Variants in KSR2 observed in about 807,000 individuals in gnomAD.
The protein encoded by KSR2 is kinase suppressor of ras 2.
In KSR2, 25 loss-of-function variants were observed where a neutral mutation model predicts 107.8. That is an observed-to-expected ratio of 0.23 (90% CI 0.17 to 0.32). The LOEUF (loss-of-function observed/expected upper bound fraction) is 0.32. Among genes scored for constraint, KSR2 ranks in the 10% least tolerant of loss-of-function variants. The probability of loss-of-function intolerance (pLI) is 1.00; values close to 1 mark genes in which losing one functional copy is unlikely to be tolerated. For synonymous variants in KSR2, 480 were observed against 507.0 expected, an observed-to-expected ratio of 0.95 and a Z score of 0.71; for missense variants, 887 against 1,268.9, an observed-to-expected ratio of 0.70 and a Z score of 4.57.
intron 1 of KSR2, among the ~76,000 whole-genome samples, chr12:117,910,762 A>C (rs1462162219): frequency 6.6e-6 from 1 of 152,136 alleles, no homozygotes; most frequent in East Asian, 1.9e-4. Context: ...CTTTGTTTGA[A>C]TGTCAGTTTA....
At chr12:117,935,624 A>G (rs1895814511) in intron 1 of KSR2, among the ~76,000 whole-genome samples, 2 of 152,106 alleles carry the variant, frequency 1.3e-5, no homozygotes, top group African/African-American at 4.8e-5. Context: ...AGCCGGTCGT[A>G]GTAGTGGGCG....
At chr12:117,819,924 C>T (rs1891504706) in intron 3 of KSR2, among the ~76,000 whole-genome samples, 1 of 152,004 alleles carries the variant, frequency 6.6e-6, no homozygotes, top group Admixed American at 6.6e-5. Flanking sequence ...GTTAAAAATG[C>T]ATAGGAAAAA....
chr12:117,653,309 T>G (rs1396187164), intron 5 of KSR2, among the ~76,000 whole-genome samples: 1 of 152,280 alleles, frequency 6.6e-6, no homozygotes, highest in African/African-American at 2.4e-5. Flanking sequence ...AGCCATTGAC[T>G]TGGCAAATAC....
intron 4 of KSR2, among the ~76,000 whole-genome samples, chr12:117,708,115 G>T (rs1436667325): frequency 6.6e-6 from 1 of 152,186 alleles, no homozygotes; most frequent in Admixed American, 6.5e-5. Context: ...TTAACATAGT[G>T]ACAAATCATT....
At chr12:117,892,258 C>A (rs1372633629) in intron 1 of KSR2, among the ~76,000 whole-genome samples, 1 of 152,078 alleles carries the variant, frequency 6.6e-6, no homozygotes, top group South Asian at 2.1e-4. Context: ...GAGCTGAGAT[C>A]GCGCCACTGC....
At chr12:117,524,758 A>C in intron 14 of KSR2, 94 bp downstream of exon 14, 1 of 1,424,180 alleles carries the variant, frequency 7.0e-7, no homozygotes, top group Non-Finnish European at 9.5e-7. Context: ...ATGGTCTATT[A>C]ACCAGAGTGG....
chr12:117,774,815 T>A (rs1031916578), intron 3 of KSR2, among the ~76,000 whole-genome samples: 2 of 152,046 alleles, frequency 1.3e-5, no homozygotes, highest in African/African-American at 4.8e-5. Flanking sequence ...TCGCAATCCT[T>A]CCCAATTCCC....
rs202237561 is a variant in KSR2 at position 117,547,219 on chromosome 12, C to A, written c.1519-7332G>T. On this transcript the variant is annotated intron_variant, in intron 9 of 19. Coordinates refer to ENST00000339824, the MANE Select transcript of KSR2 (RefSeq NM_173598.6). ...TGGGTAGAAATTTAAGTTCTCCATTCAGCTTCTGTTAGTCCCTGAAGAGGG... is the reference window on the plus strand; with the variant it reads ...TGGGTAGAAATTTAAGTTCTCCATTAAGCTTCTGTTAGTCCCTGAAGAGGG... 3.9e-5 allele frequency among the ~76,000 whole-genome samples: 6 copies of A among 152,286 alleles called. No homozygotes were observed. In the East Asian group the frequency reaches 1.2e-3, roughly 29 times the overall value.
intron 1 of KSR2, among the ~76,000 whole-genome samples, chr12:117,916,877 G>C (rs1053559897): frequency 3.3e-5 from 5 of 152,220 alleles, no homozygotes; most frequent in Admixed American, 3.3e-4. Context: ...TTGCAAAATA[G>C]ATCGTATTTA....
chr12:117,631,710 C>T (rs1882815631), intron 5 of KSR2, among the ~76,000 whole-genome samples: 1 of 152,154 alleles, frequency 6.6e-6, no homozygotes, highest in Admixed American at 6.5e-5. Context: ...TTGTCATGTA[C>T]TGATCAATAG....
chr12:117,882,855 A>G (rs566038737), intron 1 of KSR2, among the ~76,000 whole-genome samples: 150 of 151,694 alleles, frequency 9.9e-4, no homozygotes, highest in African/African-American at 3.5e-3. Context: ...CCATCCAACA[A>G]TCCATCCATC....
At chr12:117,782,216 C>A (rs1889911877) in intron 3 of KSR2, among the ~76,000 whole-genome samples, 1 of 152,110 alleles carries the variant, frequency 6.6e-6, no homozygotes, top group South Asian at 2.1e-4. Flanking sequence ...TCTAGAGTAA[C>A]TCCTCTCATA....
intron 4 of KSR2, among the ~76,000 whole-genome samples, chr12:117,685,889 A>AT (rs1456996980): frequency 6.7e-6 from 1 of 149,908 alleles, no homozygotes; most frequent in African/African-American, 2.5e-5. Flanking sequence ...TTTAATGCTG[A>AT]TTCCCCCCCT....
chr12:117,881,004 T>TATC (rs1894010185), intron 1 of KSR2, among the ~76,000 whole-genome samples: 1 of 151,744 alleles, frequency 6.6e-6, no homozygotes. Flanking sequence ...AGTCTCACTC[T>TATC]ATCACCCAGG....
rs962762319 is a variant in KSR2, at chr12:117,466,999, G to A, written c.*200C>T. 2 of 475,740 alleles carry A rather than the reference G, an allele frequency of 4.2e-6. No individual in the cohort carries two copies. The highest frequency in any genetic ancestry group is 7.4e-6 in the Non-Finnish European group (2 of 270,352). The allele number at this position is 475,740 out of a possible 1,614,324, so 29.5% of individuals were successfully genotyped here. On this transcript the variant is annotated 3_prime_UTR_variant, in exon 20 of 20. Transcript: ENST00000339824. ...GGTCCGGTTCAGTCCTAGCTCGGGG[G>A]TCCCCAACCCTGCCCGAGGAAAAGG... is the stretch of plus-strand genomic sequence containing the variant.
At chr12:117,654,695 CAAAG>C (rs1389625911) in intron 5 of KSR2, among the ~76,000 whole-genome samples, 3 of 152,132 alleles carry the variant, frequency 2.0e-5, no homozygotes, top group Non-Finnish European at 2.9e-5. Context: ...AAATTGGTGA[CAAAG>C]AAATTTGGGG....
At chr12:117,586,291 A>G (rs1879985738) in intron 5 of KSR2, among the ~76,000 whole-genome samples, 1 of 152,110 alleles carries the variant, frequency 6.6e-6, no homozygotes, top group South Asian at 2.1e-4. Context: ...GAAAATAAGA[A>G]ATAAGAAAAA....
intron 9 of KSR2, among the ~76,000 whole-genome samples, chr12:117,544,206 A>G (rs7975688): frequency 0.88 from 134,721 of 152,244 alleles, 59,698 homozygotes; most frequent in African/African-American, 0.92. Context: ...AGTTTTCAGC[A>G]TACAAGCCCT....
intron 1 of KSR2, among the ~76,000 whole-genome samples, chr12:117,947,229 G>A (rs1465760825): frequency 8.6e-6 from 1 of 115,956 alleles, no homozygotes; most frequent in African/African-American, 3.8e-5. Flanking sequence ...AAGAAAGAAA[G>A]AAAGAAAGAA....
Sources: gnomAD v4.1 joint callset for allele counts (sites outside exome capture counted in the v4.1 genomes callset) on GRCh38, gnomAD v4.1.1 for gene constraint, MANE v1.5 for transcripts, NCBI Gene and HGNC (gene_info 2026-07-23, HGNC 2026-07-21) for gene names.